KLRB1: variants seen among roughly 807,000 people sequenced by gnomAD.
KLRB1 encodes the protein killer cell lectin-like receptor subfamily B member 1.
In KLRB1, 27 loss-of-function variants were observed where a neutral mutation model predicts 33.5. The observed-to-expected ratio is 0.81, with a 90% CI of 0.59 to 1.11. KLRB1 has a LOEUF of 1.11. Ranked by LOEUF, KLRB1 falls within the 50% of genes most tolerant of loss-of-function variation. The pLI, the probability that KLRB1 is intolerant of heterozygous loss-of-function variation, is 0.00. For missense variants in KLRB1, 241 were observed against 254.1 expected, an observed-to-expected ratio of 0.95 and a Z score of 0.35; for synonymous variants, 64 against 88.9, an observed-to-expected ratio of 0.72 and a Z score of 1.58.
rs764934249 is a variant in KLRB1, at chr12:9,598,058, A to T, written c.518T>A (p.Leu173Ter). Residue 173 changes from leucine to a stop codon, truncating the protein, a stop_gained, in exon 5 of 6, where the codon TTA (leucine) becomes TAA (stop). Transcript: ENST00000229402. LOFTEE classifies it high-confidence loss of function. The stretch of plus-strand genomic sequence containing the variant: ...ATCTAATACTCACTCATTAGAATTT[A>T]AAAAAGAGCCGTTTATCCACTTCCA... ...KNWKWINGSF[L>*]NSNDLEIRGD... The T allele has an allele frequency of 1.7e-5, 25 of 1,506,306 alleles. No homozygotes were observed. In the African/African-American group the frequency reaches 1.9e-4, roughly 12 times the overall value. 93.3% of individuals were successfully genotyped at this position (1,506,306 alleles called of 1,614,324 possible).
At position 9,599,781 on chromosome 12, in the gene KLRB1, C is replaced by A; in HGVS notation, c.245G>T (p.Arg82Met). 1 of 1,600,136 alleles carries A rather than the reference C, an allele frequency of 6.2e-7. No individual in the cohort carries two copies. The highest frequency in any genetic ancestry group is 1.3e-5 in the African/African-American group (1 of 74,654). ...EKCSVDIQQS[R>M]NKTTERPGLL... is the part of the protein sequence containing the mutation. ...CACACAATTACCTGTTGTTTTATTCCTGCTCTGTTGAATGTCCACACTGCA... is the reference window on the plus strand; with the variant it reads ...CACACAATTACCTGTTGTTTTATTCATGCTCTGTTGAATGTCCACACTGCA... Residue 82 changes from arginine (R) to methionine (M), a missense_variant, in exon 3 of 6, where the codon AGG becomes ATG. Coordinates refer to ENST00000229402, the MANE Select transcript of KLRB1 (RefSeq NM_002258.3).
At chr12:9,601,351 T>A (rs1057121462) in intron 2 of KLRB1, 150 bp downstream of exon 2, 4 of 540,834 alleles carry the variant, frequency 7.4e-6, no homozygotes, top group Non-Finnish European at 1.3e-5. Flanking sequence ...ATACTTTGTC[T>A]CTGTGTCTTT....
chr12:9,595,535 CAAAG>C, intron 5 of KLRB1, 114 bp from the exon 6 acceptor site: 1 of 922,864 alleles, frequency 1.1e-6, no homozygotes, highest in South Asian at 1.4e-5. Context: ...AACTATTAAA[CAAAG>C]AAGGCACACG....
At chr12:9,607,646 A>G (rs1013746009) in intron 1 of KLRB1, 109 bp downstream of exon 1, 4 of 757,796 alleles carry the variant, frequency 5.3e-6, no homozygotes, top group African/African-American at 1.8e-5. Context: ...AAACATTAAT[A>G]TAAAACTACT....
Position 9,607,349 on chromosome 12 carries a change from TTTCTTC to T in KLRB1, c.85+400_85+405del, listed in dbSNP as rs1565444595. Among the ~76,000 whole-genome samples, 4 of 67,310 alleles carry T rather than the reference TTTCTTC, an allele frequency of 5.9e-5. 1 individual carries two copies. The highest frequency in any genetic ancestry group is 1.9e-4 in the African/African-American group (4 of 21,226). The allele number at this position is 67,310 out of a possible 152,430, so 44.2% of individuals were successfully genotyped here. On this transcript the variant is annotated intron_variant, in intron 1 of 5. Coordinates refer to ENST00000229402, the MANE Select transcript of KLRB1 (RefSeq NM_002258.3). ...TCTCTTTCTTTCCTTTCTTTCTTTC[TTTCTTC>T]CTTTCTTTCTTTCTTTCTTTCTTTC...
At chr12:9,604,608 T>A (rs1445597087) in intron 1 of KLRB1, among the ~76,000 whole-genome samples, 1 of 152,156 alleles carries the variant, frequency 6.6e-6, no homozygotes, top group Non-Finnish European at 1.5e-5. Context: ...GTCACCTTCC[T>A]AGAAGGCTTC....
In KLRB1 at chr12:9,607,337, TTTC is replaced by T. The variant is rs1364505804; in HGVS notation, c.85+415_85+417del. On this transcript the variant is annotated intron_variant, in intron 1 of 5. Transcript: ENST00000229402. ...TCTTCTTTTCTTTCTCTTTCTTTCCTTTCTTTCTTTCTTTCTTCCTTTCTTTCT... is the reference window on the plus strand; with the variant it reads ...TCTTCTTTTCTTTCTCTTTCTTTCCTTTTCTTTCTTTCTTCCTTTCTTTCT... Among the ~76,000 whole-genome samples, 3 of 47,932 alleles carry T rather than the reference TTTC, an allele frequency of 6.3e-5. 1 individual carries two copies. The highest frequency in any genetic ancestry group is 1.7e-4 in the African/African-American group (3 of 17,232). The allele number at this position is 47,932 out of a possible 152,430, so 31.4% of individuals were successfully genotyped here. A position where few individuals can be genotyped will look rare whatever the true frequency, so the allele number is the denominator to read the frequency against.
chr12:9,607,876 A>G lies in KLRB1; in HGVS notation c.-37T>C, dbSNP rs1303776712. The G allele has an allele frequency of 1.4e-6, 2 of 1,416,368 alleles. No homozygotes were observed. Among genetic ancestry groups the G allele is most frequent in the East Asian group, 4.6e-5 (2 of 43,830 alleles). 87.7% of individuals were successfully genotyped at this position (1,416,368 alleles called of 1,614,324 possible). A position where few individuals can be genotyped will look rare whatever the true frequency, so the allele number is the denominator to read the frequency against. On this transcript the variant is annotated 5_prime_UTR_variant, in exon 1 of 6. Coordinates refer to ENST00000229402, the MANE Select transcript of KLRB1 (RefSeq NM_002258.3). ...GAAGGTGGCATTAAACTTGTGTGTA[A>G]GAACAAACTCTCAATTCTGTGAGGC... is the stretch of plus-strand genomic sequence containing the variant.
intron 2 of KLRB1, 122 bp downstream of exon 2, chr12:9,601,379 C>T (rs774404939): frequency 4.7e-6 from 3 of 632,260 alleles, no homozygotes; most frequent in Non-Finnish European, 8.5e-6. Flanking sequence ...CCAAATCTCT[C>T]GTCCCACCTT....
At chr12:9,605,771 T>C (rs10844161) in intron 1 of KLRB1, among the ~76,000 whole-genome samples, 41,429 of 152,118 alleles carry the variant, frequency 0.27, 6,412 homozygotes, top group South Asian at 0.47. Context: ...CAGTGTTCTA[T>C]AGTCACATAT....
intron 3 of KLRB1, among the ~76,000 whole-genome samples, chr12:9,599,326 A>AAC (rs1864519154): frequency 1.3e-5 from 2 of 152,196 alleles, no homozygotes. Context: ...TTTTTTTATT[A>AAC]ACACACACTG....
At chr12:9,602,726 C>T (rs753484419) in intron 1 of KLRB1, among the ~76,000 whole-genome samples, 75 of 151,900 alleles carry the variant, frequency 4.9e-4, no homozygotes, top group Non-Finnish European at 8.2e-4. Context: ...ATTGTCTATT[C>T]CTTTTTATTT....
At chr12:9,600,439 T>C (rs1234807585) in intron 2 of KLRB1, among the ~76,000 whole-genome samples, 5 of 152,134 alleles carry the variant, frequency 3.3e-5, no homozygotes, top group Non-Finnish European at 5.9e-5. Context: ...TACACTAAGA[T>C]TGGGGTAGCC....
intron 5 of KLRB1, among the ~76,000 whole-genome samples, chr12:9,596,298 G>A (rs900566659): frequency 6.6e-6 from 1 of 151,980 alleles, no homozygotes; most frequent in Non-Finnish European, 1.5e-5. Flanking sequence ...CTTTCAACTG[G>A]GCTATTGCAA....
chr12:9,605,117 T>C (rs763024588), intron 1 of KLRB1, among the ~76,000 whole-genome samples: 3 of 152,180 alleles, frequency 2.0e-5, no homozygotes, highest in Non-Finnish European at 4.4e-5. Context: ...GATAGTTTGC[T>C]CAGAATGATG....
rs762733536 is a variant in KLRB1, at chr12:9,600,528, A to C, written c.185-687T>G. Among the ~76,000 whole-genome samples, 224 of 152,282 alleles carry C rather than the reference A, an allele frequency of 1.5e-3. 1 individual carries two copies. The highest frequency in any genetic ancestry group is 5.2e-3 in the African/African-American group (216 of 41,556). ...CTGTGTAGAAAGAAGTAGACATAGG[A>C]GACTCCTTTTTGTTATGTACTAAGA... On this transcript the variant is annotated intron_variant, in intron 2 of 5. Transcript: ENST00000229402.
intron 4 of KLRB1, among the ~76,000 whole-genome samples, 161 bp downstream of exon 4, chr12:9,598,338 C>A (rs898711368): frequency 7.9e-5 from 12 of 152,222 alleles, no homozygotes; most frequent in East Asian, 7.7e-4. Flanking sequence ...GTATTCATCA[C>A]CTTATATTTA....
intron 1 of KLRB1, among the ~76,000 whole-genome samples, chr12:9,606,748 ATATATATATATATT>A (rs1864608041): frequency 3.7e-5 from 1 of 27,306 alleles, no homozygotes; most frequent in African/African-American, 1.6e-4. Context: ...ATATATATAT[ATATATATATATATT>A]TTTTTTTTTT....
chr12:9,603,344 G>A (rs751205996), intron 1 of KLRB1, among the ~76,000 whole-genome samples: 3 of 152,132 alleles, frequency 2.0e-5, no homozygotes, highest in East Asian at 1.9e-4. Context: ...CTTCCCCACC[G>A]TTTTCTTCCT....
Sources: gnomAD v4.1 joint callset for allele counts (sites outside exome capture counted in the v4.1 genomes callset) on GRCh38, gnomAD v4.1.1 for gene constraint, MANE v1.5 for transcripts, NCBI Gene and HGNC (gene_info 2026-07-23, HGNC 2026-07-21) for gene names.